The following FAM222A variants were observed in gnomAD, a reference collection of about 807,000 sequenced individuals.
The protein encoded by FAM222A is family with sequence similarity 222 member A.
A neutral mutation model predicts 25.8 loss-of-function variants in FAM222A; 7 were observed. The ratio of observed to expected loss-of-function variants is 0.27; its 90% CI spans 0.15 to 0.51. FAM222A has a LOEUF of 0.51. Ranked by LOEUF, FAM222A falls within the 20% of genes least tolerant of loss-of-function variation. FAM222A has a pLI of 0.97. For synonymous variants in FAM222A, 294 were observed against 298.8 expected, an observed-to-expected ratio of 0.98 and a Z score of 0.17; for missense variants, 573 against 640.5, an observed-to-expected ratio of 0.89 and a Z score of 1.14.
chr12:109,736,676 A>C (rs1888095177), intron 1 of FAM222A, among the ~76,000 whole-genome samples: 1 of 152,182 alleles, frequency 6.6e-6, no homozygotes, highest in South Asian at 2.1e-4. Flanking sequence ...CTGGCCTGGC[A>C]CATAGTTGGT....
intron 2 of FAM222A, among the ~76,000 whole-genome samples, chr12:109,746,677 A>T (rs375795876): frequency 6.6e-6 from 1 of 152,206 alleles, no homozygotes; most frequent in Non-Finnish European, 1.5e-5. Context: ...GTACAATTCA[A>T]TGATTTTTAG....
At chr12:109,727,555 GC>G (rs1887866109) in intron 1 of FAM222A, among the ~76,000 whole-genome samples, 1 of 152,206 alleles carries the variant, frequency 6.6e-6, no homozygotes, top group Non-Finnish European at 1.5e-5. Flanking sequence ...CCAGCCCTGA[GC>G]CCAACACTCC....
chr12:109,759,772 A>G (rs1006921674), intron 2 of FAM222A, among the ~76,000 whole-genome samples: 3 of 151,936 alleles, frequency 2.0e-5, no homozygotes, highest in Admixed American at 6.5e-5. Flanking sequence ...TGCCCCTGCA[A>G]CCTCTCAAAG....
At chr12:109,735,920 A>G (rs534856563) in intron 1 of FAM222A, 3 of 152,250 alleles carry the variant, frequency 2.0e-5, no homozygotes, top group East Asian at 1.9e-4. Flanking sequence ...CCTGGCTCCA[A>G]ACTTTGCACC....
intron 2 of FAM222A, among the ~76,000 whole-genome samples, chr12:109,750,232 AT>A (rs1196437108): frequency 1.3e-5 from 2 of 152,146 alleles, no homozygotes; most frequent in Non-Finnish European, 2.9e-5. Flanking sequence ...AGTATCTGTT[AT>A]TTTCCCTAAG....
chr12:109,732,966 C>CA (rs1405334022), intron 1 of FAM222A, among the ~76,000 whole-genome samples: 4 of 152,166 alleles, frequency 2.6e-5, no homozygotes, highest in African/African-American at 9.7e-5. Context: ...AATTTCAGAG[C>CA]AGTAATGACA....
At chr12:109,758,453 G>T (rs745887422) in intron 2 of FAM222A, among the ~76,000 whole-genome samples, 1 of 152,204 alleles carries the variant, frequency 6.6e-6, no homozygotes, top group African/African-American at 2.4e-5. Context: ...TTCCCTGGCT[G>T]GTCACTGGGA....
At chr12:109,732,445 C>G (rs1374177741) in intron 1 of FAM222A, among the ~76,000 whole-genome samples, 1 of 152,250 alleles carries the variant, frequency 6.6e-6, no homozygotes, top group East Asian at 1.9e-4. Flanking sequence ...TCCTGGACGC[C>G]ACCTGCCCGG....
At chr12:109,759,112 A>T (rs984544143) in intron 2 of FAM222A, among the ~76,000 whole-genome samples, 5 of 152,048 alleles carry the variant, frequency 3.3e-5, no homozygotes, top group African/African-American at 1.2e-4. Context: ...CCGCAGGGGG[A>T]TCCAGGAGGT....
At chr12:109,748,022 G>A (rs1206873309) in intron 2 of FAM222A, among the ~76,000 whole-genome samples, 11 of 152,196 alleles carry the variant, frequency 7.2e-5, no homozygotes. Context: ...CTTTGGGGCA[G>A]TTAGTTTATC....
chr12:109,751,804 T>G (rs1355180692), intron 2 of FAM222A, among the ~76,000 whole-genome samples: 1 of 152,262 alleles, frequency 6.6e-6, no homozygotes, highest in African/African-American at 2.4e-5. Context: ...TGTTTGCTGC[T>G]GACTTTGAAA....
intron 2 of FAM222A, among the ~76,000 whole-genome samples, chr12:109,764,734 G>A (rs572367187): frequency 3.3e-4 from 50 of 152,256 alleles, no homozygotes; most frequent in African/African-American, 1.1e-3. Context: ...TGACATTTTT[G>A]TGCTCATTAT....
intron 2 of FAM222A, among the ~76,000 whole-genome samples, chr12:109,748,334 C>CTTTTTT (rs61492433): frequency 2.4e-5 from 2 of 81,650 alleles, no homozygotes; most frequent in African/African-American, 3.9e-5. Context: ...GGTTTTCTTT[C>CTTTTTT]TTTTTTTTTT....
chr12:109,767,651 G>A (rs899924787), intron 2 of FAM222A, among the ~76,000 whole-genome samples: 2 of 152,192 alleles, frequency 1.3e-5, no homozygotes, highest in African/African-American at 4.8e-5. Flanking sequence ...ACATACTGTA[G>A]AATTCCATCT....
In FAM222A at chr12:109,717,389, C is replaced by T. The variant is rs565749025; in HGVS notation, c.-47+2492C>T. On this transcript the variant is annotated intron_variant, in intron 1 of 2. Coordinates refer to ENST00000538780, the MANE Select transcript of FAM222A (RefSeq NM_032829.3). ...AAGCTGCCCCTGGCCGCCCCAGGGACCTTCTTGGGATGTAGATGGAGCAAG... is the reference window on the plus strand; with the variant it reads ...AAGCTGCCCCTGGCCGCCCCAGGGATCTTCTTGGGATGTAGATGGAGCAAG... 2.0e-5 allele frequency among the ~76,000 whole-genome samples: 3 copies of T among 152,294 alleles called. No homozygotes were observed. In the South Asian group the frequency reaches 6.2e-4, roughly 32 times the overall value.
chr12:109,752,534 G>C (rs896998060), intron 2 of FAM222A, among the ~76,000 whole-genome samples: 1 of 152,230 alleles, frequency 6.6e-6, no homozygotes, highest in Non-Finnish European at 1.5e-5. Flanking sequence ...CAGACCTGGG[G>C]CCATGCTGTG....
intron 1 of FAM222A, among the ~76,000 whole-genome samples, chr12:109,716,445 T>C (rs1476811646): frequency 6.6e-6 from 1 of 152,230 alleles, no homozygotes; most frequent in Non-Finnish European, 1.5e-5. Flanking sequence ...CCTGCTCTTC[T>C]ACCAAGCTCT....
chr12:109,734,822 T>C (rs1177604498), intron 1 of FAM222A: 1 of 151,904 alleles, frequency 6.6e-6, no homozygotes, highest in African/African-American at 2.4e-5. Context: ...TCCCTGACCA[T>C]AGGAGGGGTT....
chr12:109,757,580 G>A (rs1299671062), intron 2 of FAM222A, among the ~76,000 whole-genome samples: 2 of 152,122 alleles, frequency 1.3e-5, no homozygotes, highest in Non-Finnish European at 2.9e-5. Context: ...ATTCTTCGAA[G>A]AAAATGATGG....
Sources: gnomAD v4.1 joint callset for allele counts (sites outside exome capture counted in the v4.1 genomes callset) on GRCh38, gnomAD v4.1.1 for gene constraint, MANE v1.5 for transcripts, NCBI Gene and HGNC (gene_info 2026-07-23, HGNC 2026-07-21) for gene names.